The following RNF146 variants were observed in gnomAD, a reference collection of about 807,000 sequenced individuals.
The protein encoded by RNF146 is E3 ubiquitin-protein ligase RNF146.
In RNF146, 11 loss-of-function variants were observed where a neutral mutation model predicts 29.7. The observed-to-expected ratio is 0.37, with a 90% CI of 0.23 to 0.61. The LOEUF is 0.61. RNF146 is among the 20% of genes least tolerant of loss of function. The probability of loss-of-function intolerance (pLI) is 0.66; values close to 1 mark genes in which losing one functional copy is unlikely to be tolerated. For synonymous variants in RNF146, 150 were observed against 159.7 expected (o/e 0.94, Z 0.46); for missense variants, 342 against 438.9 (o/e 0.78, Z 1.97).
At chr6:127,281,470 T>C (rs907874705) in intron 2 of RNF146, among the ~76,000 whole-genome samples, 20 of 151,862 alleles carry the variant, frequency 1.3e-4, no homozygotes, top group African/African-American at 4.8e-4. Context: ...AAGAGATTAA[T>C]TTCATCTGAA....
Position 127,286,862 on chromosome 6 carries a change from T to C in RNF146, c.249T>C (p.Leu83=), listed in dbSNP as rs763368413. The C allele has an allele frequency of 9.3e-6, 15 of 1,613,086 alleles. No homozygotes were observed. Among genetic ancestry groups the C allele is most frequent in the African/African-American group, 1.3e-5 (1 of 74,802 alleles). ...LCRQEIPEDF[L]DKPTLLSPEE... ...GACAAGAAATTCCCGAGGATTTCCT[T>C]GACAAGCCAACCTTGTTGTCACCAG... The change falls in exon 3 of 3, where the codon CTT becomes CTC. Residue 83 remains leucine, a synonymous_variant. Transcript: ENST00000368314. The surrounding 1 kb of genome is among the most constrained non-coding windows in gnomAD (Gnocchi z 4.6).
intron 1 of RNF146, among the ~76,000 whole-genome samples, chr6:127,273,908 AGAG>A (rs1361137758): frequency 4.6e-5 from 7 of 152,168 alleles, no homozygotes; most frequent in Non-Finnish European, 8.8e-5. Flanking sequence ...TAACTGGACT[AGAG>A]GAGTGTAATG....
At chr6:127,282,492 TAAA>T (rs961823076) in intron 2 of RNF146, 3 of 151,744 alleles carry the variant, frequency 2.0e-5, no homozygotes, top group African/African-American at 7.2e-5. Context: ...GAGACCTTAA[TAAA>T]GTCATTATGT....
At chr6:127,280,721 T>TA (rs1778809332) in intron 2 of RNF146, 1 of 229,280 alleles carries the variant, frequency 4.4e-6, no homozygotes, top group Middle Eastern at 1.9e-3. Context: ...CTCTAGTTAC[T>TA]AAAAACTTGT....
intron 1 of RNF146, among the ~76,000 whole-genome samples, chr6:127,269,632 G>A (rs958472131): frequency 6.6e-6 from 1 of 152,122 alleles, no homozygotes; most frequent in African/African-American, 2.4e-5. Flanking sequence ...TTCCAAGTAT[G>A]ACCTATGCTT....
In RNF146 at chr6:127,287,251, A is replaced by G. The variant is rs1437675303; in HGVS notation, c.638A>G (p.Gln213Arg). The G allele has an allele frequency of 1.2e-6, 2 of 1,613,430 alleles. No homozygotes were observed. The highest frequency in any genetic ancestry group is 1.7e-6 in the Non-Finnish European group (2 of 1,179,654). The change falls in exon 3 of 3, where the codon CAG (glutamine) becomes CGG (arginine). Residue 213 changes from glutamine (Q) to arginine (R), a missense_variant. Transcript: ENST00000368314. ...SVSAQSGASV[Q>R]PLVSSVRPLT... ...TCAGCACAGAGTGGAGCTTCTGTTC[A>G]GCCCCTAGTGTCTTCTGTAAGGCCC...
intron 1 of RNF146, among the ~76,000 whole-genome samples, chr6:127,274,460 T>C (rs1380489085): frequency 6.6e-6 from 1 of 152,148 alleles, no homozygotes; most frequent in East Asian, 1.9e-4. Context: ...ATTAGATTGG[T>C]TACAGATAAT....
chr6:127,269,176 A>G (rs928370499), intron 1 of RNF146, among the ~76,000 whole-genome samples: 3 of 152,196 alleles, frequency 2.0e-5, no homozygotes, highest in African/African-American at 4.8e-5. Flanking sequence ...TTACTTACGG[A>G]CTATCTTTAG....
In RNF146 at chr6:127,288,336, T is replaced by TTAA. The variant is rs1779790578; in HGVS notation, c.*647_*649dup. 6.0e-6 allele frequency: 1 copy of TTAA among 166,842 alleles called. No individual in the cohort carries two copies. The highest frequency in any genetic ancestry group is 1.5e-5 in the Non-Finnish European group (1 of 68,056). 10.3% of individuals were successfully genotyped at this position (166,842 alleles called of 1,614,324 possible). On this transcript the variant is annotated 3_prime_UTR_variant, in exon 3 of 3. Transcript: ENST00000368314. ...TCTTTTTGATTACAAAATTTATAAT[T>TTAA]TAATAAATACTAGAGTTTATCAAAA...
chr6:127,269,530 A>C (rs1777157461), intron 1 of RNF146, among the ~76,000 whole-genome samples: 1 of 152,228 alleles, frequency 6.6e-6, no homozygotes, highest in South Asian at 2.1e-4. Flanking sequence ...TTGTGAAGGC[A>C]GTAAGTAGAC....
chr6:127,268,751 GAGA>G (rs1289304607), intron 1 of RNF146, among the ~76,000 whole-genome samples: 1 of 151,964 alleles, frequency 6.6e-6, no homozygotes, highest in Non-Finnish European at 1.5e-5. Flanking sequence ...TTTTAGACAA[GAGA>G]AGAAAAAAGA....
intron 2 of RNF146, among the ~76,000 whole-genome samples, chr6:127,281,346 G>C (rs957606926): frequency 6.6e-6 from 1 of 151,432 alleles, no homozygotes; most frequent in Non-Finnish European, 1.5e-5. Flanking sequence ...TCTAGGTGCT[G>C]GTCATCAAGG....
chr6:127,267,311 A>T (rs1253312202), intron 1 of RNF146, among the ~76,000 whole-genome samples: 1 of 152,122 alleles, frequency 6.6e-6, no homozygotes, highest in Non-Finnish European at 1.5e-5. Context: ...AGCAGCGGCC[A>T]TTACTGCGCA....
intron 1 of RNF146, among the ~76,000 whole-genome samples, chr6:127,277,446 A>G (rs1394832528): frequency 6.6e-6 from 1 of 152,062 alleles, no homozygotes; most frequent in East Asian, 1.9e-4. Flanking sequence ...AACCTTGTTT[A>G]GTCAGTATAT....
At chr6:127,282,723 C>T (rs1355828144) in intron 2 of RNF146, among the ~76,000 whole-genome samples, 2 of 151,678 alleles carry the variant, frequency 1.3e-5, no homozygotes, top group African/African-American at 4.8e-5. Flanking sequence ...AACTTTCCTC[C>T]AACCTGCTGT....
intron 1 of RNF146, among the ~76,000 whole-genome samples, chr6:127,277,390 A>G (rs1421896988): frequency 1.3e-5 from 2 of 152,072 alleles, no homozygotes; most frequent in South Asian, 4.1e-4. Flanking sequence ...AAAATAGTGG[A>G]GTCCATTTCA....
Position 127,287,308 on chromosome 6 carries a change from C to G in RNF146, c.695C>G (p.Pro232Arg). The change falls in exon 3 of 3, where the codon CCT (proline) becomes CGT (arginine). Residue 232 changes from proline (P) to arginine (R), a missense_variant. Around this residue, in one of 6 missense-constraint regions of RNF146, gnomAD observed 196 missense variants for 208.9 expected, o/e 0.94. Transcript: ENST00000368314. Reference protein sequence around the residue: ...LTSVDGQLTSPATPSPDASTS... With the variant: ...LTSVDGQLTSRATPSPDASTS... ...TCAGTAGATGGTCAGTTAACAAGCC[C>G]TGCAACACCATCCCCTGATGCAAGC... 6.2e-7 allele frequency: 1 copy of G among 1,613,458 alleles called. No individual in the cohort carries two copies. Among genetic ancestry groups the G allele is most frequent in the Admixed American group, 1.7e-5 (1 of 59,880 alleles).
chr6:127,282,743 C>G (rs1779067119), intron 2 of RNF146, among the ~76,000 whole-genome samples: 1 of 151,754 alleles, frequency 6.6e-6, no homozygotes, highest in Non-Finnish European at 1.5e-5. Flanking sequence ...TTCAAATGGT[C>G]TGGAAGCTAC....
intron 1 of RNF146, among the ~76,000 whole-genome samples, chr6:127,274,906 C>T (rs1156974534): frequency 1.3e-5 from 2 of 152,020 alleles, no homozygotes; most frequent in African/African-American, 4.8e-5. Flanking sequence ...CACTGGACTC[C>T]TGCCTGGTTA....
Sources: allele counts gnomAD v4.1 joint callset (sites outside exome capture counted in the v4.1 genomes callset), GRCh38; gene constraint gnomAD v4.1.1; regional missense constraint gnomAD v4.1.1; non-coding constraint Gnocchi (gnomAD v3.1); transcripts MANE v1.5; gene names NCBI Gene and HGNC (gene_info 2026-07-23, HGNC 2026-07-21).